The following PDE1C variants were observed in gnomAD, a reference collection of about 807,000 sequenced individuals.
PDE1C encodes the protein dual specificity calcium/calmodulin-dependent 3',5'-cyclic nucleotide phosphodiesterase 1C.
In PDE1C, 62 loss-of-function variants were observed where a neutral mutation model predicts 93.1. The observed-to-expected ratio is 0.67, with a 90% CI of 0.54 to 0.82. The LOEUF is 0.82. Among genes scored for constraint, PDE1C ranks in the 40% least tolerant of loss-of-function variants. PDE1C has a pLI of 0.00. For missense variants in PDE1C, 742 were observed against 884.6 expected, an observed-to-expected ratio of 0.84 and a Z score of 2.04; for synonymous variants, 325 against 310.1, an observed-to-expected ratio of 1.05 and a Z score of -0.50.
intron 2 of PDE1C, among the ~76,000 whole-genome samples, chr7:31,958,112 A>T (rs1808408896): frequency 6.6e-6 from 1 of 152,202 alleles, no homozygotes; most frequent in South Asian, 2.1e-4. Context: ...ATGTTTTTTC[A>T]TCCAAACATC....
chr7:32,171,057 A>G (rs1802616445), intron 2 of PDE1C, among the ~76,000 whole-genome samples: 1 of 152,094 alleles, frequency 6.6e-6, no homozygotes, highest in Admixed American at 6.5e-5. Flanking sequence ...GTTCCTGCCC[A>G]CAATGTCCCA....
At chr7:31,926,461 C>T (rs747475614) in intron 2 of PDE1C, among the ~76,000 whole-genome samples, 1 of 152,178 alleles carries the variant, frequency 6.6e-6, no homozygotes, top group Admixed American at 6.5e-5. Context: ...TAGCAAATAA[C>T]CTCTAACAGA....
At chr7:31,659,068 A>G in the PDE1C span, among the ~76,000 whole-genome samples, 3 of 152,178 alleles carry the variant, frequency 2.0e-5, no homozygotes, top group Non-Finnish European at 4.4e-5. Context: ...TTAAAAACTG[A>G]AAGTATTTGG....
intron 16 of PDE1C, chr7:31,789,631 T>C: frequency 1.1e-6 from 1 of 951,388 alleles, no homozygotes; most frequent in Non-Finnish European, 1.3e-6. Flanking sequence ...CAAACAGAAT[T>C]CTGTATTACA....
the PDE1C span, among the ~76,000 whole-genome samples, chr7:31,706,119 C>A: frequency 3.5e-5 from 5 of 144,104 alleles, no homozygotes; most frequent in South Asian, 9.0e-4. Flanking sequence ...ATTCTTCTGT[C>A]TCAGCCTCCC....
upstream of PDE1C, among the ~76,000 whole-genome samples, chr7:32,303,820 C>T (rs1031529127): frequency 6.6e-6 from 1 of 152,086 alleles, no homozygotes; most frequent in Non-Finnish European, 1.5e-5. Flanking sequence ...GTGAAAGTGA[C>T]TATCCTTAAG....
chr7:32,019,912 G>A (rs1312794774), intron 2 of PDE1C, among the ~76,000 whole-genome samples: 2 of 152,068 alleles, frequency 1.3e-5, no homozygotes, highest in African/African-American at 4.8e-5. Context: ...AACTTCTAAG[G>A]GTGGATATAT....
chr7:32,016,762 A>C (rs1481020362), intron 2 of PDE1C, among the ~76,000 whole-genome samples: 1 of 152,232 alleles, frequency 6.6e-6, no homozygotes, highest in Non-Finnish European at 1.5e-5. Flanking sequence ...ATGTATATGT[A>C]GTCTAATCCC....
upstream of PDE1C, among the ~76,000 whole-genome samples, chr7:32,300,276 T>C (rs1812849945): frequency 6.6e-6 from 1 of 152,204 alleles, no homozygotes; most frequent in Non-Finnish European, 1.5e-5. Flanking sequence ...AGTTGACACT[T>C]CAGTTATAAA....
chr7:32,051,678 C>T, intron 1 of PDE1C, 98 bp from the exon 2 acceptor site: 1 of 934,572 alleles, frequency 1.1e-6, no homozygotes, highest in Non-Finnish European at 1.8e-6. Flanking sequence ...GGGGTCAACA[C>T]TTCTTAGGGG....
At chr7:32,309,293 A>G (rs1204597299) in intron 1 of PDE1C, among the ~76,000 whole-genome samples, 3 of 152,232 alleles carry the variant, frequency 2.0e-5, no homozygotes, top group African/African-American at 2.4e-5. Flanking sequence ...TGAAAGTGAC[A>G]GAGAGAATGG....
At chr7:31,932,996 A>C (rs142256985) in intron 2 of PDE1C, among the ~76,000 whole-genome samples, 4 of 152,248 alleles carry the variant, frequency 2.6e-5, no homozygotes, top group African/African-American at 9.6e-5. Flanking sequence ...GTTCCCACTC[A>C]TAAGTGGGAG....
intron 1 of PDE1C, among the ~76,000 whole-genome samples, chr7:32,361,117 C>T (rs1784129779): frequency 6.6e-6 from 1 of 152,056 alleles, no homozygotes; most frequent in Non-Finnish European, 1.5e-5. Context: ...CCTTCACACC[C>T]GAGGCCTCAT....
chr7:31,648,570 A>G, the PDE1C span, among the ~76,000 whole-genome samples: 2 of 152,158 alleles, frequency 1.3e-5, no homozygotes, highest in Admixed American at 1.3e-4. Flanking sequence ...AAACCAAAAC[A>G]CCCCAGTCTT....
chr7:32,045,163 T>C (rs1048461823), intron 2 of PDE1C, among the ~76,000 whole-genome samples: 10 of 150,518 alleles, frequency 6.6e-5, no homozygotes, highest in South Asian at 6.4e-4. Context: ...TACTCTGAAC[T>C]CTGATCAAAA....
At chr7:31,646,244 A>G in the PDE1C span, among the ~76,000 whole-genome samples, 2 of 152,230 alleles carry the variant, frequency 1.3e-5, no homozygotes, top group Non-Finnish European at 2.9e-5. Flanking sequence ...CACAGCACCC[A>G]GAGAGCATGA....
At chr7:31,812,203 G>C (rs1227003550) in intron 15 of PDE1C, among the ~76,000 whole-genome samples, 1 of 152,026 alleles carries the variant, frequency 6.6e-6, no homozygotes, top group Non-Finnish European at 1.5e-5. Context: ...ACTTTTTAAG[G>C]GAAATGGTAG....
intron 7 of PDE1C, among the ~76,000 whole-genome samples, chr7:31,851,061 G>GAC (rs751991137): frequency 0.012 from 1,048 of 83,924 alleles, 13 homozygotes; most frequent in Non-Finnish European, 0.021. Context: ...TTCCTAGGTA[G>GAC]ACACACACAC....
At chr7:31,827,864 A>G (rs1305630419) in intron 12 of PDE1C, among the ~76,000 whole-genome samples, 2 of 152,200 alleles carry the variant, frequency 1.3e-5, no homozygotes, top group African/African-American at 4.8e-5. Context: ...ACATTTTAAA[A>G]GATCCATTCA....
Sources: allele counts gnomAD v4.1 joint callset (sites outside exome capture counted in the v4.1 genomes callset), GRCh38; gene constraint gnomAD v4.1.1; transcripts MANE v1.5; gene names NCBI Gene and HGNC (gene_info 2026-07-23, HGNC 2026-07-21).